VGLL4: variants seen among roughly 807,000 people sequenced by gnomAD.
VGLL4 encodes transcription cofactor vestigial-like protein 4.
A neutral mutation model predicts 21.0 loss-of-function variants in VGLL4; 7 were observed. The ratio of observed to expected loss-of-function variants is 0.33; its 90% CI spans 0.19 to 0.63. VGLL4 has a LOEUF of 0.63. VGLL4 is among the 20% of genes least tolerant of loss of function. The probability of loss-of-function intolerance (pLI) is 0.78; values close to 1 mark genes in which losing one functional copy is unlikely to be tolerated. For synonymous variants in VGLL4, 222 were observed against 173.2 expected (o/e 1.28, Z -2.21); for missense variants, 394 against 425.7 (o/e 0.93, Z 0.66).
chr3:11,582,964 C>T (rs546530751), intron 2 of VGLL4, among the ~76,000 whole-genome samples: 1 of 152,346 alleles, frequency 6.6e-6, no homozygotes, highest in South Asian at 2.1e-4. Flanking sequence ...AAAGGTGCCA[C>T]AGCCATCCTA....
At chr3:11,682,318 T>G (rs866346967) in intron 2 of VGLL4, among the ~76,000 whole-genome samples, 15 of 144,446 alleles carry the variant, frequency 1.0e-4, no homozygotes, top group Middle Eastern at 3.8e-3. Flanking sequence ...GGCAGGAGAA[T>G]AGCTTGAACC....
chr3:11,611,309 T>A (rs2075057565), intron 1 of VGLL4, among the ~76,000 whole-genome samples: 1 of 152,064 alleles, frequency 6.6e-6, no homozygotes, highest in Admixed American at 6.5e-5. Flanking sequence ...CTGACTGTTG[T>A]CCCTATAACA....
intron 2 of VGLL4, among the ~76,000 whole-genome samples, chr3:11,699,927 A>C (rs1190520825): frequency 6.6e-6 from 1 of 152,194 alleles, no homozygotes; most frequent in Non-Finnish European, 1.5e-5. Flanking sequence ...TGTGTTCAAC[A>C]CAGAAGGAAA....
chr3:11,596,710 A>G (rs2074654219), intron 2 of VGLL4, among the ~76,000 whole-genome samples: 1 of 152,220 alleles, frequency 6.6e-6, no homozygotes, highest in Non-Finnish European at 1.5e-5. Flanking sequence ...ACATGTGGCT[A>G]CTAAGCTTGA....
chr3:11,663,740 TAAAG>T (rs1171832780), intron 2 of VGLL4, among the ~76,000 whole-genome samples: 3 of 151,732 alleles, frequency 2.0e-5, no homozygotes, highest in African/African-American at 4.8e-5. Flanking sequence ...TAAAATAAAA[TAAAG>T]AAAGAATTTT....
chr3:11,711,910 A>C (rs936997402), intron 1 of VGLL4, among the ~76,000 whole-genome samples: 2 of 152,104 alleles, frequency 1.3e-5, no homozygotes, highest in African/African-American at 4.8e-5. Flanking sequence ...ATCAGACCAA[A>C]TGTCACCAGA....
intron 2 of VGLL4, among the ~76,000 whole-genome samples, chr3:11,572,252 A>C (rs1341156628): frequency 6.6e-6 from 1 of 152,240 alleles, no homozygotes; most frequent in African/African-American, 2.4e-5. Context: ...AATAAGCATC[A>C]TCTCCATTTT....
chr3:11,569,576 G>C (rs2073693229), intron 2 of VGLL4, among the ~76,000 whole-genome samples: 1 of 152,258 alleles, frequency 6.6e-6, no homozygotes, highest in Non-Finnish European at 1.5e-5. Context: ...AAGGAGGAGG[G>C]GCCGGCACAG....
Position 11,663,820 on chromosome 3 carries a change from T to C in VGLL4, c.64+39151A>G, listed in dbSNP as rs375643967. ...ACATACTTTCTTTACATATCCTTGTTTCTGAAGTAAGCAAAACAATGGAAT... is the reference window on the plus strand; with the variant it reads ...ACATACTTTCTTTACATATCCTTGTCTCTGAAGTAAGCAAAACAATGGAAT... On this transcript the variant is annotated intron_variant, in intron 2 of 5. Coordinates refer to the VGLL4 transcript ENST00000273038. 2.1e-4 allele frequency among the ~76,000 whole-genome samples: 32 copies of C among 152,372 alleles called. No individual in the cohort carries two copies. The South Asian group carries it at 6.6e-3, about 32-fold the overall frequency.
intron 2 of VGLL4, among the ~76,000 whole-genome samples, chr3:11,657,052 C>T (rs778439758): frequency 6.6e-6 from 1 of 152,194 alleles, no homozygotes; most frequent in Non-Finnish European, 1.5e-5. Flanking sequence ...GTACTCTTCA[C>T]ACTGCTTTCT....
intron 2 of VGLL4, among the ~76,000 whole-genome samples, chr3:11,680,865 G>C (rs1271123158): frequency 6.6e-6 from 1 of 152,202 alleles, no homozygotes; most frequent in Non-Finnish European, 1.5e-5. Flanking sequence ...TATGGCACCT[G>C]GTGTGGCACA....
Position 11,564,980 on chromosome 3 carries a change from C to T in VGLL4, c.312G>A (p.Arg104=). 1.3e-6 allele frequency: 2 copies of T among 1,530,158 alleles called. No individual in the cohort carries two copies. Among genetic ancestry groups the T allele is most frequent in the Non-Finnish European group, 1.8e-6 (2 of 1,139,852 alleles). The allele number at this position is 1,530,158 out of a possible 1,614,324, so 94.8% of individuals were successfully genotyped here. A position where few individuals can be genotyped will look rare whatever the true frequency, so the allele number is the denominator to read the frequency against. ...TANGDCRRDP[R]ERSRSPIERA... is the part of the protein sequence containing the mutation. ...GCTCGATGGGGCTGCGGCTCCGCTC[C>T]CGGGGGTCTCTGCGGCAGTCTCCAT... is the stretch of plus-strand genomic sequence containing the variant. The change falls in exon 3 of 5, where the codon CGG becomes CGA. Residue 104 remains arginine, a synonymous_variant. Transcript: ENST00000430365.
chr3:11,606,347 C>T (rs1465264939), intron 1 of VGLL4, among the ~76,000 whole-genome samples: 3 of 152,136 alleles, frequency 2.0e-5, no homozygotes, highest in Non-Finnish European at 4.4e-5. Context: ...ACATCGTCAG[C>T]CATCAAGGAA....
chr3:11,557,495 A>T lies in VGLL4; in HGVS notation c.*1061T>A, dbSNP rs1490432751. On this transcript the variant is annotated 3_prime_UTR_variant, in exon 5 of 5. Coordinates refer to ENST00000430365, the MANE Select transcript of VGLL4 (RefSeq NM_001128219.3). ...TGTCAGCCTGCAGCCAAACTCCAGC[A>T]TCCCACACCGCAGCTGACCCACTGC... The T allele has an allele frequency of 6.6e-6, 1 of 152,520 alleles. No homozygotes were observed. Among genetic ancestry groups the T allele is most frequent in the Non-Finnish European group, 1.5e-5 (1 of 68,030 alleles). 9.4% of individuals were successfully genotyped at this position (152,520 alleles called of 1,614,324 possible).
chr3:11,606,382 T>G (rs911792164), intron 1 of VGLL4, among the ~76,000 whole-genome samples: 2 of 152,186 alleles, frequency 1.3e-5, no homozygotes, highest in Non-Finnish European at 2.9e-5. Context: ...CACAAAGAGA[T>G]ACCACTAACA....
At chr3:11,601,504 A>G (rs2074796530) in intron 2 of VGLL4, among the ~76,000 whole-genome samples, 1 of 152,192 alleles carries the variant, frequency 6.6e-6, no homozygotes. Flanking sequence ...AAAACAATCA[A>G]TATGTATGGG....
At chr3:11,574,160 T>G (rs890609415) in intron 2 of VGLL4, among the ~76,000 whole-genome samples, 2 of 152,174 alleles carry the variant, frequency 1.3e-5, no homozygotes, top group Non-Finnish European at 1.5e-5. Flanking sequence ...ACCCCATCTG[T>G]GGCCCTGTGT....
At chr3:11,681,470 C>G (rs905014741) in intron 2 of VGLL4, among the ~76,000 whole-genome samples, 3 of 152,196 alleles carry the variant, frequency 2.0e-5, no homozygotes, top group Non-Finnish European at 2.9e-5. Flanking sequence ...GTTGGGAGCC[C>G]GCTGTGATAC....
chr3:11,707,476 A>T (rs1269725409), intron 1 of VGLL4, among the ~76,000 whole-genome samples: 3 of 151,940 alleles, frequency 2.0e-5, no homozygotes, highest in Non-Finnish European at 4.4e-5. Flanking sequence ...CAGCTGGGAC[A>T]TGAGGGACGG....
Sources: allele counts gnomAD v4.1 joint callset (sites outside exome capture counted in the v4.1 genomes callset), GRCh38; gene constraint gnomAD v4.1.1; transcripts MANE v1.5; gene names NCBI Gene and HGNC (gene_info 2026-07-23, HGNC 2026-07-21).